The following CCDC102B variants were observed in gnomAD, a reference collection of about 807,000 sequenced individuals.
The protein encoded by CCDC102B is coiled-coil domain containing 102B.
Under a neutral mutation model 57.4 loss-of-function variants are expected in CCDC102B, and 75 were observed. The ratio of observed to expected loss-of-function variants is 1.31; its 90% confidence interval spans 1.08 to 1.58. The LOEUF is 1.58. Among genes scored for constraint, CCDC102B ranks in the 40% most tolerant of loss-of-function variants. The pLI is 0.00. For missense variants in CCDC102B, 636 were observed against 582.6 expected (o/e 1.09, Z -0.94); for synonymous variants, 206 against 201.9 (o/e 1.02, Z -0.17).
intron 7 of CCDC102B, among the ~76,000 whole-genome samples, chr18:69,025,810 C>T (rs921235325): frequency 6.6e-6 from 1 of 152,086 alleles, no homozygotes; most frequent in Non-Finnish European, 1.5e-5. Context: ...TTTTAGAGCA[C>T]AACTAGAAAT....
intron 6 of CCDC102B, among the ~76,000 whole-genome samples, chr18:68,911,698 G>A (rs1268992294): frequency 7.9e-5 from 10 of 126,058 alleles, no homozygotes; most frequent in African/African-American, 3.0e-4. Context: ...CTTGCAGTGA[G>A]CCGAGATCGC....
intron 6 of CCDC102B, among the ~76,000 whole-genome samples, chr18:68,963,863 A>C (rs2050106740): frequency 6.6e-6 from 1 of 151,834 alleles, no homozygotes; most frequent in South Asian, 2.1e-4. Context: ...AAATCTTCTA[A>C]TAATTCTTCT....
intron 6 of CCDC102B, among the ~76,000 whole-genome samples, chr18:68,983,673 C>T (rs1382610248): frequency 6.6e-6 from 1 of 151,932 alleles, no homozygotes; most frequent in Non-Finnish European, 1.5e-5. Context: ...CTACTCATTA[C>T]AATGTGTTTA....
At chr18:68,991,095 C>T (rs534697881) in intron 6 of CCDC102B, among the ~76,000 whole-genome samples, 8 of 145,442 alleles carry the variant, frequency 5.5e-5, no homozygotes, top group African/African-American at 2.0e-4. Flanking sequence ...TAACCACTTC[C>T]CTGTTGTCAC....
Position 68,898,124 on chromosome 18 carries a change from G to C in CCDC102B, c.1263+696G>C, listed in dbSNP as rs531901613. Among the ~76,000 whole-genome samples the C allele has an allele frequency of 2.0e-5, 3 of 152,020 alleles. No individual in the cohort carries two copies. In the South Asian group the frequency reaches 6.2e-4, roughly 32 times the overall value. ...ATGGCAGTCTTATAGTTTTAATGTG[G>C]GTTCGTGTCAATGTGCTGTAAATTA... On this transcript the variant is annotated intron_variant, in intron 6 of 7. Transcript: ENST00000360242.
chr18:68,801,069 C>T (rs2035834025), intron 1 of CCDC102B, among the ~76,000 whole-genome samples: 4 of 151,954 alleles, frequency 2.6e-5, no homozygotes, highest in African/African-American at 9.7e-5. Context: ...AACATACTGC[C>T]TACTAGTTTA....
intron 7 of CCDC102B, among the ~76,000 whole-genome samples, chr18:69,018,503 C>T (rs907727253): frequency 7.9e-5 from 12 of 152,054 alleles, no homozygotes; most frequent in Admixed American, 2.6e-4. Context: ...ATTGTGATTA[C>T]AGTTTGACTT....
At chr18:69,055,366 C>T (rs575253076), downstream of CCDC102B, among the ~76,000 whole-genome samples, 11 of 152,112 alleles carry the variant, frequency 7.2e-5, no homozygotes, top group East Asian at 1.2e-3. Flanking sequence ...TCTATCTTGT[C>T]GCTGGGTACT....
At chr18:68,953,215 T>G (rs1029337362) in intron 6 of CCDC102B, among the ~76,000 whole-genome samples, 4 of 152,120 alleles carry the variant, frequency 2.6e-5, no homozygotes, top group African/African-American at 9.6e-5. Context: ...GGGACATATT[T>G]CTGTTTAGAA....
In CCDC102B at chr18:69,053,247, A is replaced by G. The variant is rs542497081; in HGVS notation, c.1435-783A>G. Among the ~76,000 whole-genome samples, 29 of 151,830 alleles carry G rather than the reference A, an allele frequency of 1.9e-4. No homozygotes were observed. In the South Asian group the frequency reaches 2.7e-3, roughly 14 times the overall value. Reference sequence around the variant, plus strand: ...TGGATTTAAAAAGCAAGAATATTACATATAGCATGAAATACCTTTTTTAAT... The same window carrying G: ...TGGATTTAAAAAGCAAGAATATTACGTATAGCATGAAATACCTTTTTTAAT... On this transcript the variant is annotated intron_variant, in intron 7 of 7. Coordinates refer to ENST00000360242, the MANE Select transcript of CCDC102B (RefSeq NM_024781.3).
chr18:68,790,536 C>T (rs2035413899), intron 2 of CCDC102B, among the ~76,000 whole-genome samples: 1 of 152,152 alleles, frequency 6.6e-6, no homozygotes, highest in Non-Finnish European at 1.5e-5. Flanking sequence ...TCGTGGTGCG[C>T]CGTTTTTCAA....
chr18:69,017,014 G>T (rs1038771762), intron 7 of CCDC102B, among the ~76,000 whole-genome samples: 2 of 151,994 alleles, frequency 1.3e-5, no homozygotes, highest in Non-Finnish European at 2.9e-5. Flanking sequence ...AACCTCAAAA[G>T]ATTTATTTAT....
chr18:68,887,664 A>G (rs956831042), intron 5 of CCDC102B, among the ~76,000 whole-genome samples: 6 of 152,248 alleles, frequency 3.9e-5, no homozygotes, highest in Non-Finnish European at 5.9e-5. Context: ...TAGGCCACAG[A>G]TGTGAATCTT....
At chr18:68,797,146 A>G (rs186764314), upstream of CCDC102B, among the ~76,000 whole-genome samples, 1 of 152,258 alleles carries the variant, frequency 6.6e-6, no homozygotes, top group East Asian at 1.9e-4. Flanking sequence ...GGCTTTATAC[A>G]GGAAGATGGC....
chr18:68,772,890 A>G (rs1263452032), intron 2 of CCDC102B, among the ~76,000 whole-genome samples: 2 of 152,092 alleles, frequency 1.3e-5, no homozygotes, highest in African/African-American at 2.4e-5. Flanking sequence ...GAAAGAATAT[A>G]AAGGACATGA....
intron 4 of CCDC102B, among the ~76,000 whole-genome samples, chr18:68,865,605 T>G (rs1196309256): frequency 6.6e-6 from 1 of 152,182 alleles, no homozygotes; most frequent in Non-Finnish European, 1.5e-5. Context: ...TCTCCTATAT[T>G]ACCTTCCATC....
At chr18:68,812,688 A>G (rs2036315027) in intron 1 of CCDC102B, among the ~76,000 whole-genome samples, 2 of 152,246 alleles carry the variant, frequency 1.3e-5, no homozygotes, top group African/African-American at 4.8e-5. Flanking sequence ...CCTAGTTAGT[A>G]TTAAGCATTT....
At chr18:68,830,526 AT>A (rs1244907844) in intron 1 of CCDC102B, among the ~76,000 whole-genome samples, 1 of 145,748 alleles carries the variant, frequency 6.9e-6, no homozygotes, top group Non-Finnish European at 1.5e-5. Flanking sequence ...TGGCATGAGT[AT>A]AAATATTTTA....
chr18:68,764,524 T>C (rs1386774953), intron 2 of CCDC102B, among the ~76,000 whole-genome samples: 1 of 152,150 alleles, frequency 6.6e-6, no homozygotes, highest in Non-Finnish European at 1.5e-5. Flanking sequence ...AGCCAATTAT[T>C]ATAAAGATAA....
Sources: allele counts gnomAD v4.1 joint callset (sites outside exome capture counted in the v4.1 genomes callset), GRCh38; gene constraint gnomAD v4.1.1; transcripts MANE v1.5; gene names NCBI Gene and HGNC (gene_info 2026-07-23, HGNC 2026-07-21).